Variants in LYRM1 observed in about 807,000 individuals in gnomAD.
LYRM1 encodes the protein LYR motif containing 1.
In LYRM1, 14 loss-of-function variants were observed where a neutral mutation model predicts 14.9. The observed-to-expected ratio is 0.94, with a 90% CI of 0.62 to 1.47. LYRM1 has a LOEUF of 1.47. Among genes scored for constraint, LYRM1 ranks in the 40% most tolerant of loss-of-function variants. LYRM1 has a pLI of 0.00. For synonymous variants in LYRM1, 43 were observed against 56.2 expected, an observed-to-expected ratio of 0.77 and a Z score of 1.05; for missense variants, 153 against 149.9, an observed-to-expected ratio of 1.02 and a Z score of -0.11.
Position 20,913,711 on chromosome 16 carries a change from C to A in LYRM1, c.1-1845C>A, listed in dbSNP as rs1398896802. Among the ~76,000 whole-genome samples the A allele has an allele frequency of 2.6e-5, 4 of 152,292 alleles. No individual in the cohort carries two copies. The East Asian group carries it at 7.7e-4, about 29-fold the overall frequency. On this transcript the variant is annotated intron_variant, in intron 1 of 3. Transcript: ENST00000567954. ...CAATTAGCTTTACAGAATATACCTA[C>A]GTCCGTTCTCTCTTGGCCACATCTT...
Position 20,920,152 on chromosome 16 carries a change from A to G in LYRM1, c.190A>G (p.Ile64Val), listed in dbSNP as rs1222718687. The G allele has an allele frequency of 6.2e-7, 1 of 1,613,952 alleles. No individual in the cohort carries two copies. The highest frequency in any genetic ancestry group is 1.3e-5 in the African/African-American group (1 of 74,926). The change falls in exon 3 of 4, where the codon ATA becomes GTA. Residue 64 changes from isoleucine to valine, a missense_variant. Ile to Val is a conservative substitution (Grantham distance 29, BLOSUM62 3). Coordinates refer to ENST00000567954, the MANE Select transcript of LYRM1 (RefSeq NM_001128302.3). ...GGACACAGACCTAATTAAACAGTGT[A>G]TAGATGAATGCACAGCCAGGATTGA... ...LTDTDLIKQC[I>V]DECTARIEIG... is the part of the protein sequence containing the mutation.
intron 1 of LYRM1, among the ~76,000 whole-genome samples, chr16:20,912,488 G>A (rs1327773149): frequency 6.8e-6 from 1 of 147,728 alleles, no homozygotes; most frequent in Non-Finnish European, 1.5e-5. Context: ...AGCCAGGATG[G>A]TCTTGATCTC....
rs185994709 is a variant in LYRM1, at chr16:20,901,661, C to T, written c.-1+772C>T. Reference sequence around the variant, plus strand: ...CATGACTGTAGCAGCGCCTTTTAGCCCAAGGCAGGGGTTTGGCTAATGTGT... The same window carrying T: ...CATGACTGTAGCAGCGCCTTTTAGCTCAAGGCAGGGGTTTGGCTAATGTGT... On this transcript the variant is annotated intron_variant, in intron 1 of 3. Coordinates refer to ENST00000567954, the MANE Select transcript of LYRM1 (RefSeq NM_001128302.3). This position sits in a 1 kb window ranked among gnomAD's most constrained non-coding sequence, Gnocchi z 4.6. 6.6e-4 allele frequency among the ~76,000 whole-genome samples: 100 copies of T among 152,290 alleles called. 1 individual carries two copies. The highest frequency in any genetic ancestry group is 1.1e-3 in the Non-Finnish European group (78 of 68,020).
chr16:20,909,246 T>G (rs1297184156), intron 1 of LYRM1, among the ~76,000 whole-genome samples: 1 of 152,220 alleles, frequency 6.6e-6, no homozygotes. Flanking sequence ...TATATCCCTG[T>G]GTTATAACAG....
At chr16:20,922,593 G>A (rs760193723) in intron 3 of LYRM1, among the ~76,000 whole-genome samples, 10 of 152,016 alleles carry the variant, frequency 6.6e-5, no homozygotes, top group South Asian at 4.1e-4. Context: ...GGGTTCAAGC[G>A]ATTCTCCTGC....
At chr16:20,904,633 T>TC (rs1257681400) in intron 1 of LYRM1, among the ~76,000 whole-genome samples, 3 of 151,844 alleles carry the variant, frequency 2.0e-5, no homozygotes, top group Admixed American at 2.0e-4. Flanking sequence ...GCATTACACT[T>TC]CCCTTTTTGG....
At chr16:20,911,751 G>A (rs1180201155) in intron 1 of LYRM1, among the ~76,000 whole-genome samples, 1 of 151,966 alleles carries the variant, frequency 6.6e-6, no homozygotes, top group African/African-American at 2.4e-5. Flanking sequence ...GGAGAGGGGG[G>A]GCTGAAATAC....
intron 1 of LYRM1, among the ~76,000 whole-genome samples, chr16:20,913,478 A>C (rs185027567): frequency 6.6e-6 from 1 of 151,868 alleles, no homozygotes; most frequent in Admixed American, 6.6e-5. Context: ...CACCTGGCTA[A>C]TTTTTGTATT....
At chr16:20,903,636 G>A (rs866605587) in intron 1 of LYRM1, among the ~76,000 whole-genome samples, 5 of 152,104 alleles carry the variant, frequency 3.3e-5, no homozygotes, top group Non-Finnish European at 2.9e-5. Flanking sequence ...GTCATTCTCC[G>A]CATGTGAAAC....
intron 2 of LYRM1, among the ~76,000 whole-genome samples, chr16:20,916,148 T>C (rs1459286356): frequency 6.6e-6 from 1 of 152,018 alleles, no homozygotes; most frequent in African/African-American, 2.4e-5. Flanking sequence ...AGGAAGAGAA[T>C]AGGATTAAGA....
chr16:20,915,352 C>T (rs1285644866), intron 1 of LYRM1, among the ~76,000 whole-genome samples: 4 of 150,524 alleles, frequency 2.7e-5, no homozygotes, highest in South Asian at 2.1e-4. Flanking sequence ...CCCAGCTACT[C>T]GGGCGGCTGA....
At chr16:20,914,510 C>T (rs2082774099) in intron 1 of LYRM1, among the ~76,000 whole-genome samples, 1 of 150,624 alleles carries the variant, frequency 6.6e-6, no homozygotes, top group South Asian at 2.1e-4. Context: ...CCATGTTGCC[C>T]AGGCTAGTCT....
At chr16:20,923,794 C>A (rs1170646205) in intron 3 of LYRM1, among the ~76,000 whole-genome samples, 1 of 152,122 alleles carries the variant, frequency 6.6e-6, no homozygotes, top group Non-Finnish European at 1.5e-5. Flanking sequence ...TTTTTAACTT[C>A]TCTGAGGTTT....
chr16:20,920,129 A>T lies in LYRM1; in HGVS notation c.167A>T (p.Asp56Val). 2 of 1,611,592 alleles carry T rather than the reference A, an allele frequency of 1.2e-6. No individual in the cohort carries two copies. The highest frequency in any genetic ancestry group is 1.7e-6 in the Non-Finnish European group (2 of 1,177,870). The change falls in exon 3 of 4, where the codon GAC (aspartate) becomes GTC (valine). Residue 56 changes from aspartate to valine, a missense_variant. Physicochemically the swap from Asp to Val is radical, Grantham distance 152. Transcript: ENST00000567954. ...CTTTCTCCCTTTTAATAGCTCACGG[A>T]CACAGACCTAATTAAACAGTGTATA... ...TLFRKNKNLT[D>V]TDLIKQCIDE...
At chr16:20,919,480 T>C (rs1016117942) in intron 2 of LYRM1, among the ~76,000 whole-genome samples, 17 of 152,240 alleles carry the variant, frequency 1.1e-4, no homozygotes, top group Non-Finnish European at 2.1e-4. Flanking sequence ...GCCTTTGTCC[T>C]AGCAGTCCTC....
Position 20,922,717 on chromosome 16 carries a change from T to G in LYRM1, c.253-1283T>G, listed in dbSNP as rs1419808161. ...GTTGGCCAGGCTGGTCTCAAACTCCTGACTTGGTGATCCGCCCACCTCAGC... is the reference window on the plus strand; with the variant it reads ...GTTGGCCAGGCTGGTCTCAAACTCCGGACTTGGTGATCCGCCCACCTCAGC... On this transcript the variant is annotated intron_variant, in intron 3 of 3. Transcript: ENST00000567954. 3.9e-5 allele frequency among the ~76,000 whole-genome samples: 6 copies of G among 152,170 alleles called. No homozygotes were observed. In the East Asian group the frequency reaches 1.2e-3, roughly 29 times the overall value.
rs2082894844 is a variant in LYRM1, at chr16:20,916,312, C to G, written c.159+598C>G. On this transcript the variant is annotated intron_variant, in intron 2 of 3. Transcript: ENST00000567954. ...AGCAGGGAGCCAGATTGGACCACCC[C>G]CCTACAAACCCTAAAGCGTTAGCTG... is the stretch of plus-strand genomic sequence containing the variant. Among the ~76,000 whole-genome samples the G allele has an allele frequency of 7.9e-5, 12 of 152,222 alleles. No individual in the cohort carries two copies. The South Asian group carries it at 2.1e-3, about 26-fold the overall frequency.
At chr16:20,915,121 C>T in intron 1 of LYRM1, among the ~76,000 whole-genome samples, 1 of 152,122 alleles carries the variant, frequency 6.6e-6, no homozygotes, top group Non-Finnish European at 1.5e-5. Flanking sequence ...CAATGCTACC[C>T]AACAGATTTG....
intron 3 of LYRM1, among the ~76,000 whole-genome samples, chr16:20,922,366 A>C (rs1165056296): frequency 6.6e-6 from 1 of 152,156 alleles, no homozygotes; most frequent in African/African-American, 2.4e-5. Context: ...AAGAAACAGA[A>C]CCAGTAGAAT....
Sources: allele counts gnomAD v4.1 joint callset (sites outside exome capture counted in the v4.1 genomes callset), GRCh38; gene constraint gnomAD v4.1.1; non-coding constraint Gnocchi (gnomAD v3.1); transcripts MANE v1.5; gene names NCBI Gene and HGNC (gene_info 2026-07-23, HGNC 2026-07-21).